The following CCDC39 variants were observed in gnomAD, a reference collection of about 807,000 sequenced individuals.
The protein encoded by CCDC39 is coiled-coil domain-containing protein 39.
CCDC39 carries 113 observed loss-of-function variants against 121.0 expected under a neutral mutation model. That is an observed-to-expected ratio of 0.93 (90% CI 0.80 to 1.09). The LOEUF (loss-of-function observed/expected upper bound fraction) is 1.09, where lower values mean the gene tolerates loss of function less well. CCDC39 is among the 50% of genes least tolerant of loss of function. CCDC39 has a pLI of 0.00. For missense variants in CCDC39, 1,063 were observed against 1,074.7 expected, an observed-to-expected ratio of 0.99 and a Z score of 0.15; for synonymous variants, 349 against 352.2, an observed-to-expected ratio of 0.99 and a Z score of 0.10.
At position 180,648,299 on chromosome 3, in the gene CCDC39, G is replaced by A. The variant is rs897771164; in HGVS notation, c.1228C>T (p.Gln410Ter). 9 of 1,611,402 alleles carry A rather than the reference G, an allele frequency of 5.6e-6. No individual in the cohort carries two copies. The East Asian group carries it at 2.0e-4, about 36-fold the overall frequency. The change falls in exon 10 of 20, where the codon CAG becomes TAG. Residue 410 changes from glutamine to a stop codon, truncating the protein, a stop_gained. Coordinates refer to ENST00000476379, the MANE Select transcript of CCDC39 (RefSeq NM_181426.2). LOFTEE classifies it high-confidence loss of function. ...GCTTTTTCTTTCATTGTCTCAGTCT[G>A]TAACTCCTGAGCTTTCTTAAACAGC... ...GVLFKKAQEL[Q>*]TETMKEKAVL...
chr3:180,629,307 GT>G (rs1384491946), intron 14 of CCDC39, among the ~76,000 whole-genome samples: 10 of 152,310 alleles, frequency 6.6e-5, no homozygotes, highest in Admixed American at 5.9e-4. Context: ...CAGTGCTTGG[GT>G]TATCTTTTCT....
chr3:180,676,500 C>G (rs1168333088), intron 1 of CCDC39, among the ~76,000 whole-genome samples: 31 of 152,324 alleles, frequency 2.0e-4, no homozygotes, highest in Admixed American at 3.9e-4. Context: ...ACAACAGGTG[C>G]TGGAAAGGAT....
At chr3:180,637,980 G>T (rs559626544) in intron 13 of CCDC39, among the ~76,000 whole-genome samples, 100 of 152,148 alleles carry the variant, frequency 6.6e-4, no homozygotes, top group African/African-American at 2.1e-3. Flanking sequence ...TTGGGTACTA[G>T]GATTAGTAGC....
chr3:180,667,262 T>G (rs971583100), intron 1 of CCDC39, among the ~76,000 whole-genome samples: 4 of 152,312 alleles, frequency 2.6e-5, no homozygotes, highest in African/African-American at 4.8e-5. Flanking sequence ...CAAACAGTCT[T>G]CTTATGGAGA....
intron 14 of CCDC39, among the ~76,000 whole-genome samples, chr3:180,623,081 A>T (rs928329173): frequency 1.9e-4 from 13 of 69,868 alleles, no homozygotes; most frequent in Non-Finnish European, 3.6e-4. Flanking sequence ...GGAGATTTTT[A>T]TTATTATTAT....
chr3:180,673,969 T>C (rs914131909), intron 1 of CCDC39, among the ~76,000 whole-genome samples: 1 of 151,978 alleles, frequency 6.6e-6, no homozygotes, highest in African/African-American at 2.4e-5. Context: ...AGGCTCTTTC[T>C]TGGTTCCATA....
At chr3:180,618,459 A>G (rs1717331513) in intron 16 of CCDC39, among the ~76,000 whole-genome samples, 1 of 151,822 alleles carries the variant, frequency 6.6e-6, no homozygotes, top group Non-Finnish European at 1.5e-5. Context: ...CACAACATGC[A>G]GCTTTGTTGC....
intron 2 of CCDC39, among the ~76,000 whole-genome samples, chr3:180,662,429 T>C (rs1711763569): frequency 6.6e-6 from 1 of 152,150 alleles, no homozygotes; most frequent in African/African-American, 2.4e-5. Context: ...TAAACACCAA[T>C]GGTTGTGAAT....
Position 180,616,648 on chromosome 3 carries a change from A to T in CCDC39, c.2454T>A (p.Asp818Glu). The change falls in exon 18 of 20, where the codon GAT becomes GAA. Residue 818 changes from aspartate to glutamate, a missense_variant. Transcript: ENST00000476379. ...KEIRLLKDTK[D>E]ETMEEQDIKL... ...TGATGTCTTGTTCTTCCATTGTTTC[A>T]TCTTTTGTGTCTTTCAAAAGACGGA... 1 of 1,593,994 alleles carries T rather than the reference A, an allele frequency of 6.3e-7. No individual in the cohort carries two copies. The highest frequency in any genetic ancestry group is 1.8e-5 in the Admixed American group (1 of 57,116).
intron 14 of CCDC39, among the ~76,000 whole-genome samples, chr3:180,623,790 G>A (rs1049716354): frequency 6.0e-5 from 9 of 150,944 alleles, no homozygotes; most frequent in South Asian, 4.2e-4. Context: ...ATTGATTGCC[G>A]GTTTTTCACT....
chr3:180,656,705 T>C (rs1444699523), intron 6 of CCDC39, among the ~76,000 whole-genome samples: 1 of 149,796 alleles, frequency 6.7e-6, no homozygotes, highest in Non-Finnish European at 1.5e-5. Context: ...TTAAAAAGTT[T>C]GCAGTAAAGA....
At chr3:180,616,987 T>G in intron 16 of CCDC39, 21 bp from the exon 17 acceptor site, 1 of 1,204,686 alleles carries the variant, frequency 8.3e-7, no homozygotes, top group South Asian at 1.7e-5. Context: ...AATATTAACA[T>G]GTATTTTTTA....
chr3:180,631,959 A>G lies in CCDC39; in HGVS notation c.1875-367T>C, dbSNP rs1220377842. Among the ~76,000 whole-genome samples the G allele has an allele frequency of 3.3e-5, 5 of 152,292 alleles. No individual in the cohort carries two copies. In the East Asian group the frequency reaches 9.7e-4, roughly 29 times the overall value. ...TCAGAGACAACGGACTTTATTTCTC[A>G]TGACACAGCAAGAAGCATAAGATTC... On this transcript the variant is annotated intron_variant, in intron 13 of 19. Coordinates refer to ENST00000476379, the MANE Select transcript of CCDC39 (RefSeq NM_181426.2).
chr3:180,670,249 T>A (rs1254472291), intron 1 of CCDC39, among the ~76,000 whole-genome samples: 1 of 152,052 alleles, frequency 6.6e-6, no homozygotes, highest in Non-Finnish European at 1.5e-5. Context: ...TACTTAATAT[T>A]TTTAAGGATG....
At chr3:180,677,994 T>A (rs1712282204) in intron 1 of CCDC39, among the ~76,000 whole-genome samples, 1 of 152,210 alleles carries the variant, frequency 6.6e-6, no homozygotes, top group Admixed American at 6.5e-5. Flanking sequence ...AAAGAGCTAA[T>A]ATACTTAATA....
At chr3:180,618,048 A>G (rs1264534858) in intron 16 of CCDC39, among the ~76,000 whole-genome samples, 1 of 152,130 alleles carries the variant, frequency 6.6e-6, no homozygotes, top group Non-Finnish European at 1.5e-5. Flanking sequence ...TAGATACACA[A>G]GTACCACTGT....
rs538408227 is a variant in CCDC39 at position 180,625,025 on chromosome 3, T to C, written c.1999-5055A>G. Among the ~76,000 whole-genome samples, 3 of 152,254 alleles carry C rather than the reference T, an allele frequency of 2.0e-5. No individual in the cohort carries two copies. The East Asian group carries it at 5.8e-4, about 29-fold the overall frequency. ...GATGAGGTATTGTTTTGAAATGTAT[T>C]TTCCTGGGGATTGCTGGGCCTCTTG... On this transcript the variant is annotated intron_variant, in intron 14 of 19. Coordinates refer to ENST00000476379, the MANE Select transcript of CCDC39 (RefSeq NM_181426.2).
At chr3:180,635,798 A>G (rs1014988286) in intron 13 of CCDC39, among the ~76,000 whole-genome samples, 1 of 152,204 alleles carries the variant, frequency 6.6e-6, no homozygotes, top group African/African-American at 2.4e-5. Context: ...TCGTGGCTCA[A>G]CATACACAAA....
chr3:180,621,720 T>C (rs1040442575), intron 14 of CCDC39, among the ~76,000 whole-genome samples: 7 of 152,098 alleles, frequency 4.6e-5, no homozygotes, highest in African/African-American at 1.4e-4. Flanking sequence ...CTTGTCAGTT[T>C]TGTCCAAGAT....
Sources: allele counts gnomAD v4.1 joint callset (sites outside exome capture counted in the v4.1 genomes callset), GRCh38; gene constraint gnomAD v4.1.1; transcripts MANE v1.5; gene names NCBI Gene and HGNC (gene_info 2026-07-23, HGNC 2026-07-21).